The following PCDHA2 variants were observed in gnomAD, a reference collection of about 807,000 sequenced individuals.
The protein encoded by PCDHA2 is protocadherin alpha-2.
In PCDHA2, 58 loss-of-function variants were observed where a neutral mutation model predicts 66.0. That is an observed-to-expected ratio of 0.88 (90% confidence interval 0.71 to 1.09). The LOEUF is 1.09. Ranked by LOEUF, PCDHA2 falls within the 50% of genes least tolerant of loss-of-function variation. The pLI, the probability that PCDHA2 is intolerant of heterozygous loss-of-function variation, is 0.00. For synonymous variants in PCDHA2, 634 were observed against 554.0 expected, an observed-to-expected ratio of 1.14 and a Z score of -2.03; for missense variants, 1,267 against 1,242.3, an observed-to-expected ratio of 1.02 and a Z score of -0.30.
At chr5:140,994,394 T>G (rs1332946220) in intron 3 of PCDHA2, among the ~76,000 whole-genome samples, 3 of 152,110 alleles carry the variant, frequency 2.0e-5, no homozygotes, top group African/African-American at 7.2e-5. Flanking sequence ...AGTCAGAGAT[T>G]ATTTGACATT....
intron 1 of PCDHA2, among the ~76,000 whole-genome samples, chr5:140,978,505 C>T (rs2096806553): frequency 6.6e-6 from 1 of 152,354 alleles, no homozygotes; most frequent in South Asian, 2.1e-4. Context: ...AGATTGCAGT[C>T]CTCTGCAGTC....
intron 3 of PCDHA2, among the ~76,000 whole-genome samples, chr5:140,986,901 A>G (rs1289100953): frequency 6.6e-6 from 1 of 152,134 alleles, no homozygotes; most frequent in Non-Finnish European, 1.5e-5. Context: ...GCCCTATCCT[A>G]GACTAATGAA....
At chr5:140,850,194 A>G (rs1581216724) in intron 1 of PCDHA2, 2 of 1,592,988 alleles carry the variant, frequency 1.3e-6, no homozygotes, top group East Asian at 2.3e-5. Context: ...GGCGCTGCTG[A>G]CACCTCGGAT....
At chr5:140,875,524 C>T in intron 1 of PCDHA2, 1 of 1,614,084 alleles carries the variant, frequency 6.2e-7, no homozygotes, top group East Asian at 2.2e-5. Context: ...GCTGCTCTCG[C>T]TTCTGCTCCT....
chr5:140,893,312 A>C (rs2063923388), intron 1 of PCDHA2, among the ~76,000 whole-genome samples: 1 of 152,106 alleles, frequency 6.6e-6, no homozygotes, highest in Non-Finnish European at 1.5e-5. Context: ...TAGTTTTTTG[A>C]GGGACTCCCA....
intron 3 of PCDHA2, among the ~76,000 whole-genome samples, chr5:141,009,358 C>G (rs993815936): frequency 8.5e-5 from 13 of 152,116 alleles, no homozygotes; most frequent in Admixed American, 6.6e-5. Flanking sequence ...ACTTGGGAGG[C>G]TAAGATGGGA....
intron 1 of PCDHA2, chr5:140,812,485 T>G (rs1765118211): frequency 6.6e-6 from 1 of 152,148 alleles, no homozygotes; most frequent in African/African-American, 2.4e-5. Context: ...TGCTCTAATC[T>G]TTATTATAGT....
intron 2 of PCDHA2, among the ~76,000 whole-genome samples, chr5:140,980,889 T>C (rs1554242442): frequency 2.6e-5 from 4 of 152,202 alleles, no homozygotes; most frequent in Non-Finnish European, 4.4e-5. Flanking sequence ...GTCTTTCCAG[T>C]CTTGGACATC....
Position 141,011,440 on chromosome 5 carries a change from T to G in PCDHA2, c.*1503T>G, listed in dbSNP as rs2098420601. 1 of 153,808 alleles carries G rather than the reference T, an allele frequency of 6.5e-6. No individual in the cohort carries two copies. Among genetic ancestry groups the G allele is most frequent in the Admixed American group, 6.5e-5 (1 of 15,282 alleles). 9.5% of individuals were successfully genotyped at this position (153,808 alleles called of 1,614,324 possible). A position where few individuals can be genotyped will look rare whatever the true frequency, so the allele number is the denominator to read the frequency against. Reference sequence around the variant, plus strand: ...ATGTTAATGCAACTATTACCTAGAGTGAACTTTAAGCTTTATTGTTGAATG... The same window carrying G: ...ATGTTAATGCAACTATTACCTAGAGGGAACTTTAAGCTTTATTGTTGAATG... On this transcript the variant is annotated 3_prime_UTR_variant, in exon 4 of 4. Transcript: ENST00000526136.
chr5:140,909,895 C>A (rs1296442880), intron 1 of PCDHA2, among the ~76,000 whole-genome samples: 1 of 152,152 alleles, frequency 6.6e-6, no homozygotes, highest in Non-Finnish European at 1.5e-5. Context: ...GTTCAGTAGT[C>A]CCTGAAATGG....
chr5:140,871,533 G>T, intron 1 of PCDHA2: 1 of 1,516,446 alleles, frequency 6.6e-7, no homozygotes, highest in Non-Finnish European at 8.8e-7. Flanking sequence ...GGAAGTGTAT[G>T]TGAAATTATT....
chr5:140,875,603 T>C (rs2055641899), intron 1 of PCDHA2: 1 of 1,613,724 alleles, frequency 6.2e-7, no homozygotes, highest in Admixed American at 1.7e-5. Context: ...CACGGCACCT[T>C]CGTGGGCCGC....
In PCDHA2 at chr5:140,838,333, C is replaced by G. The variant is rs2150288073; in HGVS notation, c.2388+40981C>G. 4.4e-4 allele frequency among the ~76,000 whole-genome samples: 66 copies of G among 149,884 alleles called. 1 individual carries two copies. In the East Asian group the frequency reaches 0.012, roughly 26 times the overall value. ...GAAACAGAGTTTCACCATGTTGCCC[C>G]GGCTGGTCTCGAAATCTGGGACTCA... On this transcript the variant is annotated intron_variant, in intron 1 of 3. Transcript: ENST00000526136.
At chr5:140,914,596 C>A (rs1454753124) in intron 1 of PCDHA2, among the ~76,000 whole-genome samples, 1 of 152,128 alleles carries the variant, frequency 6.6e-6, no homozygotes, top group Non-Finnish European at 1.5e-5. Flanking sequence ...TAAGTAGGAA[C>A]TTCCTCCTGC....
chr5:140,924,896 AAAAAAAAAAT>A (rs1244420537), intron 1 of PCDHA2, among the ~76,000 whole-genome samples: 4 of 69,138 alleles, frequency 5.8e-5, no homozygotes, highest in African/African-American at 1.0e-4. Flanking sequence ...ACCTGTCTCA[AAAAAAAAAAT>A]AAAATAAAAT....
chr5:141,000,103 G>T (rs551643743), intron 3 of PCDHA2, among the ~76,000 whole-genome samples: 2 of 152,068 alleles, frequency 1.3e-5, no homozygotes, highest in Non-Finnish European at 2.9e-5. Flanking sequence ...GCTCAACTCC[G>T]TCTCTTCCCT....
At chr5:140,915,753 G>A (rs1196952771) in intron 1 of PCDHA2, among the ~76,000 whole-genome samples, 1 of 151,952 alleles carries the variant, frequency 6.6e-6, no homozygotes, top group Non-Finnish European at 1.5e-5. Context: ...AGCCAGCACA[G>A]CCCTGGGTCT....
intron 1 of PCDHA2, among the ~76,000 whole-genome samples, chr5:140,880,055 C>G (rs1024788960): frequency 1.3e-5 from 2 of 152,146 alleles, no homozygotes; most frequent in Admixed American, 6.5e-5. Flanking sequence ...GTGGGCATAA[C>G]TTTTTGGGGA....
chr5:140,809,257 T>C, intron 1 of PCDHA2: 1 of 1,614,092 alleles, frequency 6.2e-7, no homozygotes, highest in Non-Finnish European at 8.5e-7. Flanking sequence ...TGGGTCCCGA[T>C]GCTGCGCTGG....
Sources: gnomAD v4.1 joint callset for allele counts (sites outside exome capture counted in the v4.1 genomes callset) on GRCh38, gnomAD v4.1.1 for gene constraint, MANE v1.5 for transcripts, NCBI Gene and HGNC (gene_info 2026-07-23, HGNC 2026-07-21) for gene names.